The following PALLD variants were observed in gnomAD, a reference collection of about 807,000 sequenced individuals.
PALLD encodes palladin, cytoskeletal associated protein.
PALLD carries 61 observed loss-of-function variants against 123.5 expected under a neutral mutation model. That is an observed-to-expected ratio of 0.49 (90% CI 0.40 to 0.61). The LOEUF (loss-of-function observed/expected upper bound fraction) is 0.61. Ranked by LOEUF, PALLD falls within the 20% of genes least tolerant of loss-of-function variation. The probability of loss-of-function intolerance (pLI) is 0.00; values close to 1 mark genes in which losing one functional copy is unlikely to be tolerated. For synonymous variants in PALLD, 465 were observed against 496.4 expected, an observed-to-expected ratio of 0.94 and a Z score of 0.84; for missense variants, 1,273 against 1,377.0, an observed-to-expected ratio of 0.92 and a Z score of 1.20.
intron 10 of PALLD, among the ~76,000 whole-genome samples, chr4:168,733,023 T>A (rs879824503): frequency 1.3e-5 from 2 of 152,206 alleles, no homozygotes; most frequent in Non-Finnish European, 2.9e-5. Flanking sequence ...TTAGGACTCA[T>A]GTAAGCATAG....
chr4:168,679,356 G>T (rs1280281446), intron 3 of PALLD, among the ~76,000 whole-genome samples: 1 of 125,110 alleles, frequency 8.0e-6, no homozygotes, highest in Admixed American at 7.9e-5. Context: ...GTGTGGTGGG[G>T]TGAGTATGGA....
At chr4:168,698,351 G>C (rs11945139) in intron 8 of PALLD, among the ~76,000 whole-genome samples, 1,580 of 151,858 alleles carry the variant, frequency 0.01, 30 homozygotes, top group African/African-American at 0.036. Context: ...ATAACTATAA[G>C]AGTGTAATTG....
intron 2 of PALLD, among the ~76,000 whole-genome samples, chr4:168,545,585 A>G (rs1283959853): frequency 6.6e-6 from 1 of 151,796 alleles, no homozygotes; most frequent in Non-Finnish European, 1.5e-5. Context: ...GCTAATCTAT[A>G]GCAAATTACA....
chr4:168,805,545 C>A (rs1361396037), intron 10 of PALLD, among the ~76,000 whole-genome samples: 1 of 152,186 alleles, frequency 6.6e-6, no homozygotes, highest in African/African-American at 2.4e-5. Context: ...TTTCACTGTT[C>A]TAAGCATGCA....
At chr4:168,579,837 C>A (rs899668606) in intron 2 of PALLD, among the ~76,000 whole-genome samples, 1 of 151,930 alleles carries the variant, frequency 6.6e-6, no homozygotes, top group Non-Finnish European at 1.5e-5. Flanking sequence ...ATGATTACTG[C>A]AATCAAGCTA....
In PALLD at chr4:168,785,844, G is replaced by GATATATATAT. The variant is rs1230880749; in HGVS notation, c.1964+73922_1964+73923insTATATATATA. ...ACAGAGTCAGTTCTAATAAACTGTA[G>GATATATATAT]AGATATATATATATATATATATATA... On this transcript the variant is annotated intron_variant, in intron 10 of 21. Transcript: ENST00000505667. Among the ~76,000 whole-genome samples the GATATATATAT allele has an allele frequency of 2.1e-3, 113 of 53,180 alleles. 1 individual carries two copies. Among genetic ancestry groups the GATATATATAT allele is most frequent in the East Asian group, 3.3e-3 (10 of 3,028 alleles). The allele number at this position is 53,180 out of a possible 152,430, so 34.9% of individuals were successfully genotyped here. A position where few individuals can be genotyped will look rare whatever the true frequency, so the allele number is the denominator to read the frequency against.
chr4:168,878,087 G>C lies in PALLD; in HGVS notation c.1965-12835G>C, dbSNP rs1272490169. On this transcript the variant is annotated intron_variant, in intron 10 of 21. Coordinates refer to ENST00000505667, the MANE Select transcript of PALLD (RefSeq NM_001166108.2). ...GCCGAGGCAGTTCGGCCGCGCCCCCGTGCCGCCCTTCGCGCAGCCCTTCGG... is the reference window on the plus strand; with the variant it reads ...GCCGAGGCAGTTCGGCCGCGCCCCCCTGCCGCCCTTCGCGCAGCCCTTCGG... The C allele has an allele frequency of 2.1e-6, 3 of 1,444,832 alleles. No homozygotes were observed. The highest frequency in any genetic ancestry group is 3.0e-5 in the African/African-American group (2 of 67,238). 89.5% of individuals were successfully genotyped at this position (1,444,832 alleles called of 1,614,324 possible). A position where few individuals can be genotyped will look rare whatever the true frequency, so the allele number is the denominator to read the frequency against.
intron 8 of PALLD, among the ~76,000 whole-genome samples, chr4:168,696,349 C>T (rs975751799): frequency 1.8e-4 from 27 of 152,052 alleles, no homozygotes; most frequent in African/African-American, 4.6e-4. Context: ...TTAAACATCC[C>T]GAGAGAAAAA....
chr4:168,592,912 T>C (rs1179577477), intron 2 of PALLD, among the ~76,000 whole-genome samples: 1 of 152,104 alleles, frequency 6.6e-6, no homozygotes, highest in Non-Finnish European at 1.5e-5. Flanking sequence ...CTTTAAAATT[T>C]TGAAGAGACC....
At chr4:168,920,635 C>G (rs1030457799) in intron 17 of PALLD, among the ~76,000 whole-genome samples, 23 of 152,100 alleles carry the variant, frequency 1.5e-4, no homozygotes, top group South Asian at 4.1e-4. Flanking sequence ...CAATTAAATG[C>G]TTTTATCTGA....
chr4:168,640,441 T>G (rs936511992), intron 2 of PALLD, among the ~76,000 whole-genome samples: 5 of 152,178 alleles, frequency 3.3e-5, no homozygotes, highest in African/African-American at 1.2e-4. Context: ...TTCTCCCTCA[T>G]GGCTCCAGGA....
intron 2 of PALLD, among the ~76,000 whole-genome samples, chr4:168,612,545 A>G (rs1293513403): frequency 6.6e-6 from 1 of 152,140 alleles, no homozygotes; most frequent in African/African-American, 2.4e-5. Context: ...TGGGGTAATA[A>G]TTTTATCTAA....
chr4:168,528,103 T>C (rs1442681097), intron 2 of PALLD, among the ~76,000 whole-genome samples: 1 of 152,166 alleles, frequency 6.6e-6, no homozygotes, highest in African/African-American at 2.4e-5. Flanking sequence ...ATTGTTTGAG[T>C]TTTAGTGTGC....
chr4:168,885,069 T>A (rs1464335421), intron 10 of PALLD, among the ~76,000 whole-genome samples: 1 of 152,240 alleles, frequency 6.6e-6, no homozygotes, highest in Admixed American at 6.5e-5. Flanking sequence ...TTATCACGTC[T>A]GTTTCTTTAT....
At chr4:168,880,661 ATC>A (rs1752487812) in intron 10 of PALLD, among the ~76,000 whole-genome samples, 1 of 152,252 alleles carries the variant, frequency 6.6e-6, no homozygotes, top group South Asian at 2.1e-4. Context: ...GAGTGTCCCT[ATC>A]AGGGCTGCCA....
In PALLD at chr4:168,747,500, G is replaced by A. The variant is rs77397571; in HGVS notation, c.1964+35577G>A. 1.6e-3 allele frequency among the ~76,000 whole-genome samples: 243 copies of A among 152,300 alleles called. 1 individual carries two copies. Among genetic ancestry groups the A allele is most frequent in the African/African-American group, 5.8e-3 (239 of 41,564 alleles). On this transcript the variant is annotated intron_variant, in intron 10 of 21. Coordinates refer to ENST00000505667, the MANE Select transcript of PALLD (RefSeq NM_001166108.2). Reference sequence around the variant, plus strand: ...AACTATTTCCAGAGTTAAAACTTCAGACACATGCTATGACAATGAGACAGT... The same window carrying A: ...AACTATTTCCAGAGTTAAAACTTCAAACACATGCTATGACAATGAGACAGT...
Position 168,850,523 on chromosome 4 carries a change from C to CTTTTTT in PALLD, c.1965-40376_1965-40371dup, listed in dbSNP as rs767777801. ...TATATAATTTGTAAGTCTGTCATTT[C>CTTTTTT]TTTTTTTTTTTTTTTTTTTTTTTTT... On this transcript the variant is annotated intron_variant, in intron 10 of 21. Transcript: ENST00000505667. Among the ~76,000 whole-genome samples the CTTTTTT allele has an allele frequency of 0.015, 518 of 34,720 alleles. 123 individuals carry two copies. The Middle Eastern group carries it at 0.15, about 10-fold the overall frequency. 22.8% of individuals were successfully genotyped at this position (34,720 alleles called of 152,430 possible). A position where few individuals can be genotyped will look rare whatever the true frequency, so the allele number is the denominator to read the frequency against.
chr4:168,730,324 C>T (rs1201841622), intron 10 of PALLD, among the ~76,000 whole-genome samples: 2 of 152,036 alleles, frequency 1.3e-5, no homozygotes, highest in East Asian at 3.8e-4. Flanking sequence ...TCTCTATATT[C>T]TTTCATGGCA....
At chr4:168,515,240 A>G (rs1580072391) in intron 2 of PALLD, among the ~76,000 whole-genome samples, 2 of 152,316 alleles carry the variant, frequency 1.3e-5, no homozygotes, top group South Asian at 2.1e-4. Context: ...AGCTCTTTTG[A>G]CCACATGAGA....
Sources: allele counts gnomAD v4.1 joint callset (sites outside exome capture counted in the v4.1 genomes callset), GRCh38; gene constraint gnomAD v4.1.1; transcripts MANE v1.5; gene names NCBI Gene and HGNC (gene_info 2026-07-23, HGNC 2026-07-21).